INSL6: variants seen among roughly 807,000 people sequenced by gnomAD.
The protein encoded by INSL6 is insulin like 6, also known as insulin-like peptide INSL6.
Under a neutral mutation model 9.4 loss-of-function variants are expected in INSL6, and 16 were observed. The ratio of observed to expected loss-of-function variants is 1.70; its 90% confidence interval spans 1.15 to 2.59. The LOEUF (loss-of-function observed/expected upper bound fraction) is 2.59. INSL6 is among the 30% of genes most tolerant of loss of function. INSL6 has a pLI of 0.00. For synonymous variants in INSL6, 154 were observed against 96.9 expected (o/e 1.59, Z -3.46); for missense variants, 391 against 257.3 (o/e 1.52, Z -3.56).
At chr9:5,076,155 A>G in the INSL6 span, among the ~76,000 whole-genome samples, 2 of 152,190 alleles carry the variant, frequency 1.3e-5, no homozygotes, top group African/African-American at 4.8e-5. Flanking sequence ...TTAAGATGGA[A>G]TCTACTCCTA....
At chr9:5,183,767 T>G (rs1051849512) in intron 1 of INSL6, among the ~76,000 whole-genome samples, 2 of 149,888 alleles carry the variant, frequency 1.3e-5, no homozygotes, top group African/African-American at 4.9e-5. Flanking sequence ...GAAAGAGGAG[T>G]TTAAAAGAAA....
At chr9:5,132,841 T>A (rs961528347) in intron 3 of INSL6, 2 of 152,222 alleles carry the variant, frequency 1.3e-5, no homozygotes, top group Non-Finnish European at 2.9e-5. Flanking sequence ...CAATTTAAAA[T>A]TCCCTGTTAA....
chr9:5,065,119 A>C, the INSL6 span: 1 of 867,584 alleles, frequency 1.2e-6, no homozygotes. Context: ...AGAGTGATAC[A>C]TGTATGTTTA....
At chr9:5,152,882 G>A (rs1195769496) in intron 2 of INSL6, among the ~76,000 whole-genome samples, 2 of 152,180 alleles carry the variant, frequency 1.3e-5, no homozygotes, top group South Asian at 4.1e-4. Flanking sequence ...TAGAGAGTGG[G>A]TGCAGCCCAA....
chr9:5,068,351 C>A, the INSL6 span, among the ~76,000 whole-genome samples: 2 of 151,982 alleles, frequency 1.3e-5, no homozygotes, highest in African/African-American at 4.8e-5. Context: ...TTAAAAACTG[C>A]AAAATATTAA....
At chr9:4,998,445 C>T in the INSL6 span, among the ~76,000 whole-genome samples, 18 of 152,134 alleles carry the variant, frequency 1.2e-4, no homozygotes, top group Admixed American at 2.6e-4. Flanking sequence ...TTAGTAGAGA[C>T]GGGGTTTCAC....
At chr9:5,086,173 C>T in the INSL6 span, 16 of 416,228 alleles carry the variant, frequency 3.8e-5, no homozygotes, top group Middle Eastern at 1.9e-3. Flanking sequence ...TCCACGCCGC[C>T]GGTCTCCAGC....
downstream of INSL6, among the ~76,000 whole-genome samples, chr9:5,161,134 A>G (rs1489959706): frequency 6.6e-6 from 1 of 152,176 alleles, no homozygotes; most frequent in Non-Finnish European, 1.5e-5. Context: ...CACATCAAAA[A>G]AGGAAAACTA....
At chr9:5,111,430 GA>G in the INSL6 span, 1 of 397,526 alleles carries the variant, frequency 2.5e-6, no homozygotes. Context: ...CGAAGGTCGG[GA>G]AGGTCCCGCC....
the INSL6 span, among the ~76,000 whole-genome samples, chr9:5,115,609 C>T: frequency 3.3e-5 from 5 of 152,284 alleles, no homozygotes; most frequent in Admixed American, 6.5e-5. Flanking sequence ...GACACATGCA[C>T]ATGTATGTTT....
the INSL6 span, among the ~76,000 whole-genome samples, chr9:5,053,138 G>C: frequency 1.3e-5 from 2 of 151,914 alleles, no homozygotes; most frequent in Non-Finnish European, 1.5e-5. Flanking sequence ...AACTCTTTCC[G>C]CACTTGTTTC....
At chr9:5,087,136 C>T in the INSL6 span, among the ~76,000 whole-genome samples, 6 of 152,116 alleles carry the variant, frequency 3.9e-5, no homozygotes, top group Non-Finnish European at 8.8e-5. Context: ...TCTGTTCTCA[C>T]GCTGCAAATA....
At chr9:5,166,146 C>T (rs1042212391) in intron 1 of INSL6, among the ~76,000 whole-genome samples, 18 of 152,198 alleles carry the variant, frequency 1.2e-4, no homozygotes, top group African/African-American at 4.1e-4. Context: ...AAGCTAAAGT[C>T]ATAAAGGAAC....
At chr9:5,066,888 A>G in the INSL6 span, 1 of 469,030 alleles carries the variant, frequency 2.1e-6, no homozygotes, top group Non-Finnish European at 3.6e-6. Flanking sequence ...ACTGAGAATT[A>G]TAGCTTTGGA....
At chr9:5,183,487 T>A (rs749819566) in intron 1 of INSL6, among the ~76,000 whole-genome samples, 1 of 152,212 alleles carries the variant, frequency 6.6e-6, no homozygotes, top group Non-Finnish European at 1.5e-5. Flanking sequence ...GGAGTGTGAA[T>A]AATACTTAAA....
the INSL6 span, chr9:5,041,296 G>T: frequency 2.2e-6 from 2 of 915,668 alleles, no homozygotes; most frequent in South Asian, 2.9e-5. Context: ...CTGGTCTCAG[G>T]ACCAAGAAGC....
the INSL6 span, among the ~76,000 whole-genome samples, chr9:5,049,628 G>A: frequency 8.2e-4 from 125 of 152,158 alleles, no homozygotes; most frequent in Non-Finnish European, 1.1e-3. Flanking sequence ...CTTCTGTTTC[G>A]CTTCTAAGCT....
chr9:5,129,899 A>T (rs542795622), intron 3 of INSL6, among the ~76,000 whole-genome samples: 1 of 152,150 alleles, frequency 6.6e-6, no homozygotes, highest in East Asian at 1.9e-4. Flanking sequence ...TTACTTTTAT[A>T]ATCTTACCTT....
At chr9:5,020,650 C>T in the INSL6 span, among the ~76,000 whole-genome samples, 22 of 152,136 alleles carry the variant, frequency 1.4e-4, no homozygotes, top group African/African-American at 5.3e-4. Context: ...CATTTTGACA[C>T]CTAGCGGCAG....
Sources: gnomAD v4.1 joint callset for allele counts (sites outside exome capture counted in the v4.1 genomes callset) on GRCh38, gnomAD v4.1.1 for gene constraint, MANE v1.5 for transcripts, NCBI Gene and HGNC (gene_info 2026-07-23, HGNC 2026-07-21) for gene names.